Variants in ERICH1 observed in about 807,000 individuals in gnomAD.
ERICH1 encodes glutamate rich 1.
In ERICH1, 56 loss-of-function variants were observed where a neutral mutation model predicts 39.6. The ratio of observed to expected loss-of-function variants is 1.41; its 90% CI spans 1.14 to 1.77. The LOEUF (loss-of-function observed/expected upper bound fraction) is 1.77. ERICH1 is among the 40% of genes most tolerant of loss of function. ERICH1 has a pLI of 0.00. For missense variants in ERICH1, 826 were observed against 575.4 expected (o/e 1.44, Z -4.45); for synonymous variants, 313 against 223.6 (o/e 1.40, Z -3.57).
At chr8:626,976 G>T in intron 3 of ERICH1, 1 of 389,454 alleles carries the variant, frequency 2.6e-6, no homozygotes, top group South Asian at 1.8e-5. Flanking sequence ...CGTGGAGGAG[G>T]AAAGCACAGC....
At chr8:632,326 T>TAAA (rs10667356) in intron 3 of ERICH1, among the ~76,000 whole-genome samples, 28,845 of 149,750 alleles carry the variant, frequency 0.19, 3,038 homozygotes, top group Middle Eastern at 0.32. Flanking sequence ...TAATTAGCAG[T>TAAA]AAAAAAAAAA....
intron 3 of ERICH1, among the ~76,000 whole-genome samples, chr8:622,093 G>A (rs1009076859): frequency 7.2e-5 from 11 of 152,164 alleles, no homozygotes; most frequent in Admixed American, 7.2e-4. Flanking sequence ...GGTGGCATGT[G>A]CACCTGTAGT....
chr8:684,980 G>T (rs1371870709), intron 3 of ERICH1, among the ~76,000 whole-genome samples: 1 of 152,210 alleles, frequency 6.6e-6, no homozygotes, highest in African/African-American at 2.4e-5. Flanking sequence ...GTTCCACTGT[G>T]CATACATTGT....
chr8:689,577 G>C (rs992026716), intron 3 of ERICH1, among the ~76,000 whole-genome samples: 1 of 152,242 alleles, frequency 6.6e-6, no homozygotes, highest in African/African-American at 2.4e-5. Flanking sequence ...CACCATGCAA[G>C]CTGCCAGCAC....
intron 1 of ERICH1, among the ~76,000 whole-genome samples, chr8:727,231 C>T (rs1818979522): frequency 6.6e-6 from 1 of 152,184 alleles, no homozygotes; most frequent in African/African-American, 2.4e-5. Flanking sequence ...CAGCGGCACA[C>T]ATACATGCAT....
chr8:654,981 G>A (rs141306194), intron 3 of ERICH1, among the ~76,000 whole-genome samples: 31 of 152,320 alleles, frequency 2.0e-4, no homozygotes, highest in East Asian at 5.8e-4. Context: ...GGGGAGTTGC[G>A]CCCTGGTGCT....
intron 1 of ERICH1, among the ~76,000 whole-genome samples, chr8:721,421 C>G (rs183974567): frequency 1.3e-3 from 201 of 152,356 alleles, no homozygotes; most frequent in African/African-American, 4.7e-3. Flanking sequence ...GAGGTTGGGG[C>G]TGGGAGAGAC....
intron 5 of ERICH1, chr8:667,052 C>T (rs1240300239): frequency 6.5e-6 from 1 of 152,934 alleles, no homozygotes; most frequent in Non-Finnish European, 1.5e-5. Context: ...CCAGACTGGT[C>T]TCCATTCTCT....
intron 2 of ERICH1, among the ~76,000 whole-genome samples, chr8:698,353 G>A (rs1810868904): frequency 6.6e-6 from 1 of 151,838 alleles, no homozygotes; most frequent in Non-Finnish European, 1.5e-5. Context: ...CGAGTACCTG[G>A]GACTACAGGT....
chr8:642,602 C>G (rs536859574), intron 3 of ERICH1, among the ~76,000 whole-genome samples: 48 of 152,096 alleles, frequency 3.2e-4, no homozygotes, highest in Non-Finnish European at 4.4e-5. Flanking sequence ...CCTCGGCCTC[C>G]CAAAGTGGAA....
At chr8:729,302 A>G (rs1005899660) in intron 1 of ERICH1, among the ~76,000 whole-genome samples, 7 of 151,958 alleles carry the variant, frequency 4.6e-5, no homozygotes, top group African/African-American at 1.5e-4. Flanking sequence ...ACAGCGCCCA[A>G]CCCCCACCTG....
At chr8:700,740 C>T (rs1376860337) in intron 2 of ERICH1, among the ~76,000 whole-genome samples, 1 of 152,252 alleles carries the variant, frequency 6.6e-6, no homozygotes, top group Non-Finnish European at 1.5e-5. Context: ...CATCGGATGG[C>T]CTCCTCCATG....
intron 2 of ERICH1, among the ~76,000 whole-genome samples, chr8:707,177 C>T (rs1174251923): frequency 6.6e-6 from 1 of 151,146 alleles, no homozygotes; most frequent in South Asian, 2.1e-4. Context: ...AAATAAACCC[C>T]ACATCTGTGG....
At chr8:640,774 A>G (rs934727035) in intron 3 of ERICH1, 1 of 152,196 alleles carries the variant, frequency 6.6e-6, no homozygotes, top group Non-Finnish European at 1.5e-5. Flanking sequence ...ATACTTTTCC[A>G]CGTTGGGTGC....
intron 3 of ERICH1, among the ~76,000 whole-genome samples, chr8:628,776 T>C (rs981357435): frequency 6.6e-6 from 1 of 152,054 alleles, no homozygotes; most frequent in Non-Finnish European, 1.5e-5. Flanking sequence ...GGGGTGAAAA[T>C]CCTTCCTGCT....
chr8:728,201 G>T (rs1435430290), intron 1 of ERICH1, among the ~76,000 whole-genome samples: 1 of 152,220 alleles, frequency 6.6e-6, no homozygotes, highest in Admixed American at 6.5e-5. Context: ...CCAACCACCA[G>T]GGAGGAGGCT....
chr8:701,633 A>G (rs1051917928), intron 2 of ERICH1, among the ~76,000 whole-genome samples: 11 of 152,170 alleles, frequency 7.2e-5, no homozygotes, highest in Admixed American at 5.9e-4. Context: ...AAGAGCAAAC[A>G]CTGTCTATGA....
downstream of ERICH1, among the ~76,000 whole-genome samples, chr8:661,948 G>A (rs1563201420): frequency 6.7e-6 from 1 of 150,258 alleles, no homozygotes; most frequent in Non-Finnish European, 1.5e-5. Flanking sequence ...CAGGGATTCT[G>A]TGGAACCTAC....
intron 1 of ERICH1, among the ~76,000 whole-genome samples, chr8:718,083 A>AC (rs2132371313): frequency 6.6e-6 from 1 of 152,292 alleles, no homozygotes; most frequent in South Asian, 2.1e-4. Flanking sequence ...GAGAAACCGC[A>AC]CAACACACCA....
Sources: allele counts gnomAD v4.1 joint callset (sites outside exome capture counted in the v4.1 genomes callset), GRCh38; gene constraint gnomAD v4.1.1; transcripts MANE v1.5; gene names NCBI Gene and HGNC (gene_info 2026-07-23, HGNC 2026-07-21).